Variants in SPATA31A6 observed in about 807,000 individuals in gnomAD.
SPATA31A6 encodes the protein SPATA31 subfamily A member 6.
Under a neutral mutation model 11.9 loss-of-function variants are expected in SPATA31A6, and 9 were observed. That is an observed-to-expected ratio of 0.76 (90% CI 0.46 to 1.32). The LOEUF (loss-of-function observed/expected upper bound fraction) is 1.32. SPATA31A6 is among the 40% of genes most tolerant of loss of function. SPATA31A6 has a pLI of 0.00. For synonymous variants in SPATA31A6, 314 were observed against 572.1 expected (o/e 0.55, Z 6.44); for missense variants, 855 against 1,467.3 (o/e 0.58, Z 6.82).
Position 42,187,381 on chromosome 9 carries a change from A to T in SPATA31A6, c.1679A>T (p.Lys560Ile), listed in dbSNP as rs1478031803. 3 of 1,533,454 alleles carry T rather than the reference A, an allele frequency of 2.0e-6. No individual in the cohort carries two copies. The highest frequency in any genetic ancestry group is 2.6e-6 in the Non-Finnish European group (3 of 1,135,716). 95.0% of individuals were successfully genotyped at this position (1,533,454 alleles called of 1,614,324 possible). A position where few individuals can be genotyped will look rare whatever the true frequency, so the allele number is the denominator to read the frequency against. Residue 560 changes from lysine to isoleucine, a missense_variant, in exon 4 of 4, where the codon AAA (lysine) becomes ATA (isoleucine). Coordinates refer to ENST00000332857, the MANE Select transcript of SPATA31A6 (RefSeq NM_001145196.1). ...GRLALPSRVQ[K>I]SQDVFSVSTP... ...TTGGCTTTACCCTCTAGGGTCCAAA[A>T]ATCTCAGGACGTCTTTAGTGTCTCC...
intron 1 of SPATA31A6, among the ~76,000 whole-genome samples, chr9:42,184,582 T>C (rs1829410180): frequency 7.4e-6 from 1 of 135,210 alleles, no homozygotes. Context: ...CAGGTTGCAG[T>C]GAAATGGAGT....
intron 1 of SPATA31A6, 86 bp from the exon 2 acceptor site, chr9:42,184,983 G>T: frequency 7.2e-7 from 1 of 1,391,834 alleles, no homozygotes; most frequent in East Asian, 2.5e-5. Context: ...GGGAGAGCCA[G>T]TCCTAGCTTC....
In SPATA31A6 at chr9:42,186,614, C is replaced by T. The variant is rs756779225; in HGVS notation, c.912C>T (p.Arg304=). The T allele has an allele frequency of 2.3e-5, 35 of 1,532,718 alleles. 4 individuals carry two copies. Among genetic ancestry groups the T allele is most frequent in the South Asian group, 3.5e-5 (3 of 86,494 alleles). 94.9% of individuals were successfully genotyped at this position (1,532,718 alleles called of 1,614,324 possible). A position where few individuals can be genotyped will look rare whatever the true frequency, so the allele number is the denominator to read the frequency against. The change falls in exon 4 of 4, where the codon CGC becomes CGT. Residue 304 remains arginine, a synonymous_variant. Coordinates refer to ENST00000332857, the MANE Select transcript of SPATA31A6 (RefSeq NM_001145196.1). ...NSSVQQDPLS[R]HPPETCQMEA... is the part of the protein sequence containing the mutation. ...CAGTCCAGCAAGATCCTCTTTCCCG[C>T]CACCCACCAGAGACCTGTCAGATGG...
rs1829432038 is a variant in SPATA31A6 at position 42,185,637 on chromosome 9, C to T, written c.248-58C>T. On this transcript the variant is annotated intron_variant, in intron 2 of 3. Transcript: ENST00000332857. ...CTCCCTAAAGAAACAGCCACTCAGC[C>T]TCCTGTGAGATCCCAGGCCCCTCCC... 51 of 1,437,678 alleles carry T rather than the reference C, an allele frequency of 3.5e-5. 6 individuals are homozygous for T. The South Asian group carries it at 6.1e-4, about 17-fold the overall frequency. 89.1% of individuals were successfully genotyped at this position (1,437,678 alleles called of 1,614,324 possible).
At position 42,187,606 on chromosome 9, in the gene SPATA31A6, A is replaced by C. The variant is rs557105563; in HGVS notation, c.1904A>C (p.Lys635Thr). 8.1e-7 allele frequency: 1 copy of C among 1,239,484 alleles called. No homozygotes were observed. The highest frequency in any genetic ancestry group is 2.9e-5 in the East Asian group (1 of 34,162). 76.8% of individuals were successfully genotyped at this position (1,239,484 alleles called of 1,614,324 possible). The change falls in exon 4 of 4, where the codon AAA (lysine) becomes ACA (threonine). Residue 635 changes from lysine to threonine, a missense_variant. Transcript: ENST00000332857. The stretch of plus-strand genomic sequence containing the variant: ...CCAGGGACAAGTCAGGCCAAGGGCA[A>C]ACCCAGTCCCTGGCAGTCCTCCACG... ...ESPGTSQAKG[K>T]PSPWQSSTST...
rs1439413405 is a variant in SPATA31A6, at chr9:42,185,562, G to T, written c.248-133G>T. On this transcript the variant is annotated intron_variant, in intron 2 of 3. Transcript: ENST00000332857. Reference sequence around the variant, plus strand: ...GCCTTGCTATTAACGTCGGGGTCATGTGGCTTTGGACACAGATGGGTGGGG... The same window carrying T: ...GCCTTGCTATTAACGTCGGGGTCATTTGGCTTTGGACACAGATGGGTGGGG... The T allele has an allele frequency of 2.7e-4, 300 of 1,128,932 alleles. 44 individuals are homozygous for T. Among genetic ancestry groups the T allele is most frequent in the Non-Finnish European group, 3.4e-5 (27 of 787,608 alleles). 69.9% of individuals were successfully genotyped at this position (1,128,932 alleles called of 1,614,324 possible).
Position 42,188,867 on chromosome 9 carries a change from G to A in SPATA31A6, c.3165G>A (p.Gln1055=). Residue 1055 remains glutamine, a synonymous_variant, in exon 4 of 4, where the codon CAG becomes CAA. Coordinates refer to ENST00000332857, the MANE Select transcript of SPATA31A6 (RefSeq NM_001145196.1). Reference sequence around the variant, plus strand: ...CTCAAGTGCCCCAGGGCCATCTCCAGAGCATGCCTACTGGGAACATGCGGG... The same window carrying A: ...CTCAAGTGCCCCAGGGCCATCTCCAAAGCATGCCTACTGGGAACATGCGGG... ...LVSQVPQGHL[Q]SMPTGNMRAS... 1 of 1,557,632 alleles carries A rather than the reference G, an allele frequency of 6.4e-7. No individual in the cohort carries two copies. Among genetic ancestry groups the A allele is most frequent in the Non-Finnish European group, 8.7e-7 (1 of 1,150,074 alleles).
chr9:42,184,366 G>C (rs1349117884), intron 1 of SPATA31A6, among the ~76,000 whole-genome samples: 3 of 131,050 alleles, frequency 2.3e-5, no homozygotes, highest in Non-Finnish European at 3.2e-5. Flanking sequence ...CTGCGGGCCT[G>C]AACTTGGGTG....
In SPATA31A6 at chr9:42,184,998, C is replaced by A. The variant is rs1829418454; in HGVS notation, c.190-71C>A. ...GGGAGAGCCAGTCCTAGCTTCTCGC[C>A]CTTTCTTGTCTCCCATTGTCATCTT... On this transcript the variant is annotated intron_variant, in intron 1 of 3. Transcript: ENST00000332857. 2 of 1,439,208 alleles carry A rather than the reference C, an allele frequency of 1.4e-6. 1 individual carries two copies. The highest frequency in any genetic ancestry group is 2.5e-5 in the South Asian group (2 of 81,436). 89.2% of individuals were successfully genotyped at this position (1,439,208 alleles called of 1,614,324 possible).
At position 42,189,187 on chromosome 9, in the gene SPATA31A6, A is replaced by G. The variant is rs746415235; in HGVS notation, c.3485A>G (p.Asn1162Ser). 1 of 1,543,316 alleles carries G rather than the reference A, an allele frequency of 6.5e-7. No individual in the cohort carries two copies. The highest frequency in any genetic ancestry group is 2.4e-5 in the East Asian group (1 of 42,064). The change falls in exon 4 of 4, where the codon AAC becomes AGC. Residue 1162 changes from asparagine to serine, a missense_variant. Asn to Ser is a conservative substitution (Grantham distance 46). Transcript: ENST00000332857. The part of the protein sequence containing the change: ...QPPSVSHFGE[N>S]IKQFFQWIFS... Reference sequence around the variant, plus strand: ...CCTTCAGTAAGCCACTTTGGAGAAAACATCAAGCAATTTTTTCAGTGGATT... The same window carrying G: ...CCTTCAGTAAGCCACTTTGGAGAAAGCATCAAGCAATTTTTTCAGTGGATT...
Position 42,185,879 on chromosome 9 carries a change from C to T in SPATA31A6, c.308+124C>T, listed in dbSNP as rs545416187. ...GGGGACAGAGGATGGGAGTAAAACC[C>T]TGGGGCGAGGGGTAGCAGGAGAATT... On this transcript the variant is annotated intron_variant, in intron 3 of 3. Transcript: ENST00000332857. 247 of 1,457,072 alleles carry T rather than the reference C, an allele frequency of 1.7e-4. 33 individuals are homozygous for T. In the African/African-American group the frequency reaches 3.5e-3, roughly 21 times the overall value. The allele number at this position is 1,457,072 out of a possible 1,614,324, so 90.3% of individuals were successfully genotyped here.
intron 1 of SPATA31A6, among the ~76,000 whole-genome samples, chr9:42,184,421 C>T (rs1164705114): frequency 8.0e-6 from 1 of 124,226 alleles, no homozygotes; most frequent in African/African-American, 3.4e-5. Flanking sequence ...CGTGGTGGAC[C>T]TCATATTGAA....
chr9:42,188,897 C>T lies in SPATA31A6; in HGVS notation c.3195C>T (p.Ser1065=). 6.5e-7 allele frequency: 1 copy of T among 1,545,196 alleles called. No homozygotes were observed. Among genetic ancestry groups the T allele is most frequent in the Non-Finnish European group, 8.8e-7 (1 of 1,140,482 alleles). ...TGCCTACTGGGAACATGCGGGCTTC[C>T]CAGGAGCTACATGACCTCATGGCAG... The part of the protein sequence containing the change: ...QSMPTGNMRA[S]QELHDLMAAR... The change falls in exon 4 of 4, where the codon TCC becomes TCT. Residue 1065 remains serine, a synonymous_variant. Coordinates refer to ENST00000332857, the MANE Select transcript of SPATA31A6 (RefSeq NM_001145196.1).
Position 42,184,805 on chromosome 9 carries a change from G to A in SPATA31A6, c.190-264G>A, listed in dbSNP as rs537306141. 3.9e-3 allele frequency among the ~76,000 whole-genome samples: 539 copies of A among 137,504 alleles called. 121 individuals carry two copies. Among genetic ancestry groups the A allele is most frequent in the African/African-American group, 0.015 (520 of 33,976 alleles). The allele number at this position is 137,504 out of a possible 152,430, so 90.2% of individuals were successfully genotyped here. On this transcript the variant is annotated intron_variant, in intron 1 of 3. Transcript: ENST00000332857. The stretch of plus-strand genomic sequence containing the variant: ...GGCCTCCCAAAGTGCTTGGATTATA[G>A]GCGTGAGCCACCACGCCCAGCCCCC...
Position 42,187,099 on chromosome 9 carries a change from T to C in SPATA31A6, c.1397T>C (p.Leu466Pro), listed in dbSNP as rs754054492. Reference protein sequence around the residue: ...IQRETTMSPLLFQAQPLSHRQ... With the variant: ...IQRETTMSPLPFQAQPLSHRQ... ...AGGGAGACTACAATGTCCCCACTGC[T>C]TTTCCAGGCCCAGCCCCTGTCCCAC... Residue 466 changes from leucine (L) to proline (P), a missense_variant, in exon 4 of 4, where the codon CTT becomes CCT. By Grantham distance (98) the Leu-to-Pro change is moderately conservative. Coordinates refer to ENST00000332857, the MANE Select transcript of SPATA31A6 (RefSeq NM_001145196.1). 3 of 1,542,120 alleles carry C rather than the reference T, an allele frequency of 1.9e-6. 1 individual carries two copies. Among genetic ancestry groups the C allele is most frequent in the Non-Finnish European group, 1.8e-6 (2 of 1,137,698 alleles).
Position 42,186,571 on chromosome 9 carries a change from C to T in SPATA31A6, c.869C>T (p.Ser290Leu), listed in dbSNP as rs776342893. The T allele has an allele frequency of 1.3e-5, 20 of 1,527,340 alleles. 2 individuals carry two copies. The highest frequency in any genetic ancestry group is 2.3e-5 in the South Asian group (2 of 86,286). 94.6% of individuals were successfully genotyped at this position (1,527,340 alleles called of 1,614,324 possible). A position where few individuals can be genotyped will look rare whatever the true frequency, so the allele number is the denominator to read the frequency against. Reference protein sequence around the residue: ...SSRWQETARTSCAFNSSVQQD... With the variant: ...SSRWQETARTLCAFNSSVQQD... ...CGGTGGCAGGAGACTGCCAGAACCT[C>T]GTGCGCCTTTAACTCATCAGTCCAG... The change falls in exon 4 of 4, where the codon TCG (serine) becomes TTG (leucine). Residue 290 changes from serine to leucine, a missense_variant. Ser to Leu is a moderately radical substitution (Grantham distance 145). Coordinates refer to ENST00000332857, the MANE Select transcript of SPATA31A6 (RefSeq NM_001145196.1).
Position 42,189,144 on chromosome 9 carries a change from C to T in SPATA31A6, c.3442C>T (p.Pro1148Ser). The T allele has an allele frequency of 6.5e-7, 1 of 1,545,430 alleles. No homozygotes were observed. Among genetic ancestry groups the T allele is most frequent in the Non-Finnish European group, 8.8e-7 (1 of 1,139,498 alleles). Reference protein sequence around the residue: ...THQDEGVQLLPSKKQPPSVSH... With the variant: ...THQDEGVQLLSSKKQPPSVSH... ...TCAGGATGAAGGCGTCCAGCTACTG[C>T]CATCAAAGAAACAGCCTCCTTCAGT... is the stretch of plus-strand genomic sequence containing the variant. The change falls in exon 4 of 4, where the codon CCA becomes TCA. Residue 1148 changes from proline (P) to serine (S), a missense_variant. Pro to Ser is a moderately conservative substitution (Grantham distance 74). Coordinates refer to ENST00000332857, the MANE Select transcript of SPATA31A6 (RefSeq NM_001145196.1).
chr9:42,185,736 C>A lies in SPATA31A6; in HGVS notation c.289C>A (p.Leu97Ile). The change falls in exon 3 of 4, where the codon CTT becomes ATT. Residue 97 changes from leucine to isoleucine, a missense_variant. By Grantham distance (5) the Leu-to-Ile change is conservative. Coordinates refer to ENST00000332857, the MANE Select transcript of SPATA31A6 (RefSeq NM_001145196.1). ...CPRGLEETSDLLSQLQSLLGP... is the reference protein window; with the variant it reads ...CPRGLEETSDILSQLQSLLGP... The stretch of plus-strand genomic sequence containing the variant: ...GAGAGGCCTGGAGGAGACTTCGGAC[C>A]TTCTTTCACAACTGCAGAGGTGAGG... 1 of 1,250,474 alleles carries A rather than the reference C, an allele frequency of 8.0e-7. No individual in the cohort carries two copies. The highest frequency in any genetic ancestry group is 1.1e-6 in the Non-Finnish European group (1 of 908,060). The allele number at this position is 1,250,474 out of a possible 1,614,324, so 77.5% of individuals were successfully genotyped here.
chr9:42,185,516 T>C lies in SPATA31A6; in HGVS notation c.248-179T>C, dbSNP rs1383882324. The stretch of plus-strand genomic sequence containing the variant: ...TCCGTGTGTGGAAGCCTGTTGTGAA[T>C]GAAAAAGCCCTGTCCTCCATGCCTT... On this transcript the variant is annotated intron_variant, in intron 2 of 3. Coordinates refer to ENST00000332857, the MANE Select transcript of SPATA31A6 (RefSeq NM_001145196.1). 2.8e-6 allele frequency: 3 copies of C among 1,078,206 alleles called. 1 individual carries two copies. In the South Asian group the frequency reaches 4.4e-5, roughly 16 times the overall value. 66.8% of individuals were successfully genotyped at this position (1,078,206 alleles called of 1,614,324 possible). A position where few individuals can be genotyped will look rare whatever the true frequency, so the allele number is the denominator to read the frequency against.
Sources: allele counts gnomAD v4.1 joint callset (sites outside exome capture counted in the v4.1 genomes callset), GRCh38; gene constraint gnomAD v4.1.1; transcripts MANE v1.5; gene names NCBI Gene and HGNC (gene_info 2026-07-23, HGNC 2026-07-21).